The following SPECC1L variants were observed in gnomAD, a reference collection of about 807,000 sequenced individuals.
SPECC1L encodes sperm antigen with calponin homology and coiled-coil domains 1 like.
SPECC1L carries 40 observed loss-of-function variants against 116.8 expected under a neutral mutation model. The ratio of observed to expected loss-of-function variants is 0.34; its 90% CI spans 0.27 to 0.45. The LOEUF (loss-of-function observed/expected upper bound fraction) is 0.45, where lower values mean the gene tolerates loss of function less well. Among genes scored for constraint, SPECC1L ranks in the 20% least tolerant of loss-of-function variants. The pLI is 1.00. For synonymous variants in SPECC1L, 504 were observed against 500.6 expected, an observed-to-expected ratio of 1.01 and a Z score of -0.09; for missense variants, 1,110 against 1,373.6, an observed-to-expected ratio of 0.81 and a Z score of 3.03.
chr22:24,395,309 T>A (rs1183066375), intron 14 of SPECC1L, among the ~76,000 whole-genome samples: 1 of 152,162 alleles, frequency 6.6e-6, no homozygotes, highest in Admixed American at 6.5e-5. Flanking sequence ...CCCAATACGA[T>A]GTGAGGTATG....
chr22:24,317,865 G>A (rs1248200986), intron 4 of SPECC1L, among the ~76,000 whole-genome samples: 1 of 150,412 alleles, frequency 6.6e-6, no homozygotes, highest in African/African-American at 2.5e-5. Context: ...GGGCAGAGAC[G>A]CTCCTCACAT....
In SPECC1L at chr22:24,396,307, T is replaced by G. The variant is rs1399514228; in HGVS notation, c.3088-15281T>G. Among the ~76,000 whole-genome samples, 6 of 147,956 alleles carry G rather than the reference T, an allele frequency of 4.1e-5. No homozygotes were observed. In the East Asian group the frequency reaches 1.2e-3, roughly 30 times the overall value. On this transcript the variant is annotated intron_variant, in intron 14 of 16. Coordinates refer to ENST00000314328, the MANE Select transcript of SPECC1L (RefSeq NM_015330.6). ...AGAACTTTCTGTGGTTTTTTTTTTTTGTTGTTGTTTTTTGTTTTTGAGACA... is the reference window on the plus strand; with the variant it reads ...AGAACTTTCTGTGGTTTTTTTTTTTGGTTGTTGTTTTTTGTTTTTGAGACA...
intron 16 of SPECC1L, among the ~76,000 whole-genome samples, chr22:24,413,666 C>G (rs896534130): frequency 6.6e-6 from 1 of 152,192 alleles, no homozygotes. Context: ...AAATATTCCC[C>G]CATTCCTGGA....
At chr22:24,348,398 G>C (rs1027634254) in intron 11 of SPECC1L, among the ~76,000 whole-genome samples, 5 of 152,168 alleles carry the variant, frequency 3.3e-5, no homozygotes, top group African/African-American at 1.2e-4. Flanking sequence ...AGTTCAATTT[G>C]GTGGTTGAAC....
At chr22:24,302,147 G>A (rs200832283) in intron 2 of SPECC1L, 48 bp from the exon 3 acceptor site, 15 of 1,379,760 alleles carry the variant, frequency 1.1e-5, no homozygotes, top group African/African-American at 4.3e-5. Context: ...TTTCTAAAGC[G>A]CTTCCTTCCA....
chr22:24,341,880 ATCT>A (rs1263823899), intron 10 of SPECC1L, among the ~76,000 whole-genome samples: 3 of 152,176 alleles, frequency 2.0e-5, no homozygotes, highest in Non-Finnish European at 4.4e-5. Flanking sequence ...GTGGGAACAG[ATCT>A]TCTGAAGCTT....
At chr22:24,411,489 G>C in intron 14 of SPECC1L, 99 bp from the exon 15 acceptor site, 9 of 1,101,636 alleles carry the variant, frequency 8.2e-6, no homozygotes, top group Non-Finnish European at 1.2e-5. Context: ...TTTGTGTTTT[G>C]GAGGCCATGC....
At chr22:24,276,595 C>T (rs1177345159) in intron 1 of SPECC1L, 105 bp from the exon 2 acceptor site, 3 of 314,520 alleles carry the variant, frequency 9.5e-6, no homozygotes, top group Non-Finnish European at 1.9e-5. Flanking sequence ...TTGCAAGAGC[C>T]CAGTCTCAAA....
At chr22:24,405,199 C>A (rs921895278) in intron 14 of SPECC1L, among the ~76,000 whole-genome samples, 6 of 152,164 alleles carry the variant, frequency 3.9e-5, no homozygotes, top group African/African-American at 1.4e-4. Flanking sequence ...TGAGTGAGAA[C>A]TTCCAGCAGC....
intron 2 of SPECC1L, among the ~76,000 whole-genome samples, chr22:24,278,553 G>A (rs2048880842): frequency 6.6e-6 from 1 of 152,142 alleles, no homozygotes; most frequent in South Asian, 2.1e-4. Flanking sequence ...ACTGTTAGGT[G>A]CCAGGCACTG....
At chr22:24,295,793 C>G (rs2049249088) in intron 2 of SPECC1L, among the ~76,000 whole-genome samples, 1 of 152,022 alleles carries the variant, frequency 6.6e-6, no homozygotes, top group Non-Finnish European at 1.5e-5. Flanking sequence ...AGTAAAAATA[C>G]AAAAATTAGC....
At chr22:24,412,989 G>A (rs1056743765) in intron 16 of SPECC1L, among the ~76,000 whole-genome samples, 2 of 152,156 alleles carry the variant, frequency 1.3e-5, no homozygotes, top group Admixed American at 6.5e-5. Context: ...AACCTTCCCT[G>A]GGACGGCTCT....
chr22:24,335,945 G>A (rs927754811), intron 9 of SPECC1L, among the ~76,000 whole-genome samples: 25 of 151,920 alleles, frequency 1.6e-4, no homozygotes, highest in African/African-American at 5.6e-4. Context: ...CAAGTATTAT[G>A]TATAAAGATA....
Position 24,276,816 on chromosome 22 carries a change from C to G in SPECC1L, c.-38+13C>G, listed in dbSNP as rs200499174. On this transcript the variant is annotated intron_variant, in intron 2 of 16. Coordinates refer to ENST00000314328, the MANE Select transcript of SPECC1L (RefSeq NM_015330.6). ...CAGAACAATCACAGTGAGACCTTTT[C>G]TCCCAATAAATGCCCCTTTTCTCTC... is the stretch of plus-strand genomic sequence containing the variant. The G allele has an allele frequency of 2.2e-5, 10 of 451,850 alleles. No individual in the cohort carries two copies. Among genetic ancestry groups the G allele is most frequent in the African/African-American group, 1.6e-4 (8 of 49,818 alleles). The allele number at this position is 451,850 out of a possible 1,614,324, so 28.0% of individuals were successfully genotyped here.
chr22:24,366,215 G>A (rs1004422092), intron 13 of SPECC1L, among the ~76,000 whole-genome samples: 4 of 150,444 alleles, frequency 2.7e-5, no homozygotes, highest in African/African-American at 9.8e-5. Context: ...TTTTTTTTGA[G>A]ATGGAGCCTC....
chr22:24,407,096 G>A (rs1007750817), intron 14 of SPECC1L, among the ~76,000 whole-genome samples: 4 of 152,182 alleles, frequency 2.6e-5, no homozygotes, highest in African/African-American at 9.7e-5. Flanking sequence ...TATCACATAG[G>A]GTGCCTTGGA....
chr22:24,401,835 T>C (rs186192022), intron 14 of SPECC1L, among the ~76,000 whole-genome samples: 11 of 152,304 alleles, frequency 7.2e-5, no homozygotes, highest in African/African-American at 2.6e-4. Context: ...ACCACGTGAA[T>C]GAATGTCTCT....
At chr22:24,356,010 C>G (rs1309549196) in intron 11 of SPECC1L, among the ~76,000 whole-genome samples, 1 of 152,126 alleles carries the variant, frequency 6.6e-6, no homozygotes, top group Non-Finnish European at 1.5e-5. Context: ...ACACCCCATT[C>G]CCTAGCAACC....
intron 14 of SPECC1L, among the ~76,000 whole-genome samples, chr22:24,372,571 A>G (rs2041892628): frequency 6.6e-6 from 1 of 152,318 alleles, no homozygotes. Flanking sequence ...ACAAAATTCA[A>G]CAACACTTCA....
Sources: allele counts gnomAD v4.1 joint callset (sites outside exome capture counted in the v4.1 genomes callset), GRCh38; gene constraint gnomAD v4.1.1; transcripts MANE v1.5; gene names NCBI Gene and HGNC (gene_info 2026-07-23, HGNC 2026-07-21).